The following DAB1 variants were observed in gnomAD, a reference collection of about 807,000 sequenced individuals.
DAB1 encodes the protein disabled homolog 1.
Under a neutral mutation model 64.6 loss-of-function variants are expected in DAB1, and 15 were observed. That is an observed-to-expected ratio of 0.23 (90% CI 0.16 to 0.36). DAB1 has a LOEUF of 0.36. Among genes scored for constraint, DAB1 ranks in the 10% least tolerant of loss-of-function variants. DAB1 has a pLI of 1.00. For missense variants in DAB1, 596 were observed against 706.7 expected (o/e 0.84, Z 1.78); for synonymous variants, 235 against 251.9 (o/e 0.93, Z 0.64).
chr1:58,272,780 T>C (rs1468867684), intron 4 of DAB1, among the ~76,000 whole-genome samples: 2 of 152,082 alleles, frequency 1.3e-5, no homozygotes, highest in Non-Finnish European at 2.9e-5. Flanking sequence ...CATTTGTCTC[T>C]TTTGATCTTT....
At chr1:58,490,800 T>C (rs967548166) in intron 3 of DAB1, among the ~76,000 whole-genome samples, 6 of 113,152 alleles carry the variant, frequency 5.3e-5, no homozygotes, top group Admixed American at 2.6e-4. Flanking sequence ...ACATTCTTTT[T>C]TTTTTTTTTT....
chr1:57,815,773 C>T (rs921396708), intron 6 of DAB1, among the ~76,000 whole-genome samples: 6 of 152,008 alleles, frequency 3.9e-5, no homozygotes, highest in Admixed American at 1.3e-4. Flanking sequence ...ACCCCCGAAA[C>T]GTCTGAATTT....
intron 1 of DAB1, among the ~76,000 whole-genome samples, chr1:58,528,783 T>A (rs1189021989): frequency 6.6e-6 from 1 of 152,206 alleles, no homozygotes; most frequent in East Asian, 1.9e-4. Context: ...CTCTCTGCTC[T>A]CCAATCACAG....
chr1:57,907,657 G>A (rs186794841), intron 5 of DAB1, among the ~76,000 whole-genome samples: 1 of 152,098 alleles, frequency 6.6e-6, no homozygotes, highest in Non-Finnish European at 1.5e-5. Context: ...CCAGGTTACA[G>A]CAATTAGTTG....
chr1:58,079,195 G>A (rs771864096), intron 5 of DAB1, among the ~76,000 whole-genome samples: 7 of 152,240 alleles, frequency 4.6e-5, no homozygotes, highest in Non-Finnish European at 8.8e-5. Flanking sequence ...GTCCCCACAG[G>A]ACACTGCAGG....
chr1:57,085,538 T>A (rs988324858), intron 4 of DAB1, among the ~76,000 whole-genome samples: 1 of 152,244 alleles, frequency 6.6e-6, no homozygotes, highest in African/African-American at 2.4e-5. Context: ...TGCAAAGCAC[T>A]GGCAAGGCCC....
rs183839243 is a variant in DAB1 at position 57,952,512 on chromosome 1, T to G, written n.388-68350A>C. 2.2e-3 allele frequency among the ~76,000 whole-genome samples: 340 copies of G among 152,098 alleles called. 2 individuals are homozygous for G. The highest frequency in any genetic ancestry group is 7.9e-3 in the African/African-American group (327 of 41,492). On this transcript the variant is annotated intron_variant and non_coding_transcript_variant, in intron 5 of 20. Transcript: ENST00000485760. ...CAGGTGAAAATGAGCCTAACACATGTGGGGACAGAAAAGGAATGGGTCTGA... is the reference window on the plus strand; with the variant it reads ...CAGGTGAAAATGAGCCTAACACATGGGGGGACAGAAAAGGAATGGGTCTGA...
intron 2 of DAB1, among the ~76,000 whole-genome samples, chr1:57,283,570 G>C (rs1488053892): frequency 6.6e-6 from 1 of 152,180 alleles, no homozygotes; most frequent in Non-Finnish European, 1.5e-5. Context: ...CCATTTTACA[G>C]ATGAAGAAGT....
intron 2 of DAB1, among the ~76,000 whole-genome samples, chr1:57,276,837 A>T (rs560794233): frequency 6.6e-6 from 1 of 152,254 alleles, no homozygotes; most frequent in African/African-American, 2.4e-5. Context: ...ATTGTTTCTT[A>T]TTTGTCTCTC....
chr1:57,915,788 A>C (rs1644717969), intron 5 of DAB1, among the ~76,000 whole-genome samples: 1 of 152,162 alleles, frequency 6.6e-6, no homozygotes, highest in Non-Finnish European at 1.5e-5. Context: ...CCAATTCCCA[A>C]TAGACTGTGC....
chr1:58,324,455 C>G (rs1168776347), intron 4 of DAB1, among the ~76,000 whole-genome samples: 2 of 152,152 alleles, frequency 1.3e-5, no homozygotes, highest in Non-Finnish European at 2.9e-5. Context: ...ATCCCAGTTG[C>G]TCTTGAGAAG....
At chr1:57,170,350 T>C (rs1183761856) in intron 2 of DAB1, among the ~76,000 whole-genome samples, 1 of 152,154 alleles carries the variant, frequency 6.6e-6, no homozygotes. Context: ...TAACACTGCC[T>C]GCTTGCAATA....
At chr1:58,024,139 A>G (rs1646853363) in intron 5 of DAB1, among the ~76,000 whole-genome samples, 1 of 152,182 alleles carries the variant, frequency 6.6e-6, no homozygotes, top group Non-Finnish European at 1.5e-5. Flanking sequence ...TCACTTGTTA[A>G]TTTGTCCCTC....
intron 5 of DAB1, among the ~76,000 whole-genome samples, chr1:57,982,829 T>C (rs1646099340): frequency 6.6e-6 from 1 of 152,328 alleles, no homozygotes; most frequent in East Asian, 1.9e-4. Context: ...AAGATGATAA[T>C]TAACCTTTCT....
chr1:57,499,660 T>C (rs536694784), intron 7 of DAB1, among the ~76,000 whole-genome samples: 1 of 152,334 alleles, frequency 6.6e-6, no homozygotes, highest in East Asian at 1.9e-4. Flanking sequence ...GCAAATGTGT[T>C]ACTGAAATGA....
chr1:58,457,891 T>C (rs1645207020), intron 3 of DAB1, among the ~76,000 whole-genome samples: 1 of 152,154 alleles, frequency 6.6e-6, no homozygotes, highest in African/African-American at 2.4e-5. Context: ...GCAAGAATGG[T>C]CCGCTACACA....
chr1:57,701,613 C>T (rs1224163168), intron 6 of DAB1, among the ~76,000 whole-genome samples: 1 of 151,822 alleles, frequency 6.6e-6, no homozygotes, highest in African/African-American at 2.4e-5. Flanking sequence ...TTAATGGGTG[C>T]AGCACACCAA....
intron 1 of DAB1, among the ~76,000 whole-genome samples, chr1:57,385,323 A>G (rs1681722954): frequency 6.6e-6 from 1 of 152,260 alleles, no homozygotes; most frequent in Non-Finnish European, 1.5e-5. Context: ...TTACTGCTTC[A>G]GAATCTCAGA....
chr1:58,473,961 C>T (rs1014816762), intron 3 of DAB1: 12 of 1,277,748 alleles, frequency 9.4e-6, no homozygotes, highest in South Asian at 2.5e-5. Flanking sequence ...CTTCTCTTCC[C>T]GGACAAGCTG....
Sources: allele counts gnomAD v4.1 joint callset (sites outside exome capture counted in the v4.1 genomes callset), GRCh38; gene constraint gnomAD v4.1.1; transcripts MANE v1.5; gene names NCBI Gene and HGNC (gene_info 2026-07-23, HGNC 2026-07-21).